Variants in LDLRAD4 observed in about 807,000 individuals in gnomAD.
LDLRAD4 encodes the protein low density lipoprotein receptor class A domain containing 4.
A neutral mutation model predicts 17.0 loss-of-function variants in LDLRAD4; 5 were observed. That is an observed-to-expected ratio of 0.29 (90% CI 0.15 to 0.62). LDLRAD4 has a LOEUF of 0.62. LDLRAD4 is among the 20% of genes least tolerant of loss of function. LDLRAD4 has a pLI of 0.84. For synonymous variants in LDLRAD4, 168 were observed against 171.8 expected (o/e 0.98, Z 0.17); for missense variants, 340 against 424.7 (o/e 0.80, Z 1.75).
chr18:13,634,002 AT>A (rs1000737607), intron 4 of LDLRAD4, among the ~76,000 whole-genome samples: 23 of 152,364 alleles, frequency 1.5e-4, no homozygotes, highest in African/African-American at 5.5e-4. Flanking sequence ...GTTTGATGAA[AT>A]TCAACATACT....
chr18:13,360,797 T>A (rs1035261618), intron 1 of LDLRAD4, among the ~76,000 whole-genome samples: 3 of 152,240 alleles, frequency 2.0e-5, no homozygotes, highest in Non-Finnish European at 4.4e-5. Context: ...AGGCATGGTA[T>A]GTACCACTTT....
chr18:13,634,773 C>CAAAA (rs202132523), intron 4 of LDLRAD4, among the ~76,000 whole-genome samples: 3 of 122,118 alleles, frequency 2.5e-5, no homozygotes, highest in Non-Finnish European at 3.5e-5. Context: ...ACAATAATCT[C>CAAAA]AAAAAAAAAA....
chr18:13,374,270 C>G (rs2084734104), intron 1 of LDLRAD4, among the ~76,000 whole-genome samples: 2 of 152,136 alleles, frequency 1.3e-5, no homozygotes, highest in Admixed American at 1.3e-4. Context: ...CCCTCTCAGC[C>G]CTGACCCCAC....
chr18:13,377,813 G>A (rs911708772), intron 1 of LDLRAD4, among the ~76,000 whole-genome samples: 2 of 152,170 alleles, frequency 1.3e-5, no homozygotes, highest in South Asian at 4.1e-4. Flanking sequence ...AGCCTCGCAG[G>A]CCCATCCCAG....
chr18:13,579,320 GTTA>G (rs1280972383), intron 3 of LDLRAD4, among the ~76,000 whole-genome samples: 1 of 152,210 alleles, frequency 6.6e-6, no homozygotes. Context: ...TTTATATGTA[GTTA>G]TTATCAAATA....
intron 1 of LDLRAD4, among the ~76,000 whole-genome samples, chr18:13,339,714 T>A (rs1041802024): frequency 6.6e-6 from 1 of 152,146 alleles, no homozygotes; most frequent in East Asian, 1.9e-4. Flanking sequence ...TAAAAGGAGA[T>A]AAGAATTGAT....
At chr18:13,314,173 G>T (rs2080809544) in intron 1 of LDLRAD4, among the ~76,000 whole-genome samples, 1 of 152,144 alleles carries the variant, frequency 6.6e-6, no homozygotes, top group African/African-American at 2.4e-5. Flanking sequence ...AGATAACTTA[G>T]TACGATTTAT....
intron 1 of LDLRAD4, among the ~76,000 whole-genome samples, chr18:13,344,088 T>G (rs1448385769): frequency 6.6e-6 from 1 of 152,216 alleles, no homozygotes; most frequent in African/African-American, 2.4e-5. Context: ...TTAGTTTAAT[T>G]AGATCCCATT....
chr18:13,388,677 T>C (rs1281965987), intron 2 of LDLRAD4, among the ~76,000 whole-genome samples: 1 of 152,242 alleles, frequency 6.6e-6, no homozygotes, highest in African/African-American at 2.4e-5. Context: ...TTGATTGGCA[T>C]GGGCCTTCTC....
chr18:13,439,592 CTG>C (rs1411462096), intron 3 of LDLRAD4, among the ~76,000 whole-genome samples: 6 of 152,242 alleles, frequency 3.9e-5, no homozygotes, highest in African/African-American at 1.4e-4. Flanking sequence ...GCGGTAGTCT[CTG>C]TGTAATACAG....
intron 2 of LDLRAD4, chr18:13,426,262 C>G (rs1448630327): frequency 6.6e-6 from 1 of 152,218 alleles, no homozygotes; most frequent in Non-Finnish European, 1.5e-5. Flanking sequence ...GAAATATTCT[C>G]TTTTTGGTTA....
In LDLRAD4 at chr18:13,297,192, T is replaced by C. The variant is rs564619212; in HGVS notation, c.-383+19004T>C. Among the ~76,000 whole-genome samples the C allele has an allele frequency of 3.3e-5, 5 of 152,300 alleles. No individual in the cohort carries two copies. The East Asian group carries it at 9.7e-4, about 29-fold the overall frequency. ...AAGAGAAGGCCTCTGTCCCCGAGGA[T>C]GTTCGCTGAGCAGGGATCAGAGCTA... On this transcript the variant is annotated intron_variant, in intron 1 of 5. Coordinates refer to ENST00000359446, the Ensembl canonical transcript of LDLRAD4.
At chr18:13,457,095 C>T (rs2092176103) in intron 3 of LDLRAD4, among the ~76,000 whole-genome samples, 1 of 152,270 alleles carries the variant, frequency 6.6e-6, no homozygotes, top group Admixed American at 6.5e-5. Context: ...GTCAGCTCCA[C>T]AGGCCGGGGG....
chr18:13,547,035 T>C (rs2094375569), intron 3 of LDLRAD4, among the ~76,000 whole-genome samples: 1 of 152,202 alleles, frequency 6.6e-6, no homozygotes, highest in South Asian at 2.1e-4. Flanking sequence ...ATCTTGAAAT[T>C]TATTGATGCT....
chr18:13,551,630 T>C (rs1426026551), intron 3 of LDLRAD4, among the ~76,000 whole-genome samples: 2 of 150,900 alleles, frequency 1.3e-5, no homozygotes, highest in Non-Finnish European at 3.0e-5. Flanking sequence ...CATGGTGGGG[T>C]AGGAGGGCGG....
chr18:13,561,879 C>A (rs745951279), intron 3 of LDLRAD4: 1 of 152,190 alleles, frequency 6.6e-6, no homozygotes, highest in Non-Finnish European at 1.5e-5. Flanking sequence ...TTATAAATAA[C>A]CACTGTTTTC....
At chr18:13,534,986 A>G (rs564682253) in intron 3 of LDLRAD4, among the ~76,000 whole-genome samples, 69 of 152,176 alleles carry the variant, frequency 4.5e-4, no homozygotes, top group Non-Finnish European at 7.8e-4. Context: ...AGACTCATCC[A>G]TATAATGGTG....
intron 1 of LDLRAD4, among the ~76,000 whole-genome samples, chr18:13,329,872 T>C (rs2081749677): frequency 6.6e-6 from 1 of 152,158 alleles, no homozygotes; most frequent in Non-Finnish European, 1.5e-5. Context: ...TGACTTCTTG[T>C]TATTTTAACC....
At chr18:13,537,864 G>A (rs1176736238) in intron 3 of LDLRAD4, among the ~76,000 whole-genome samples, 1 of 152,018 alleles carries the variant, frequency 6.6e-6, no homozygotes, top group East Asian at 1.9e-4. Flanking sequence ...TAACTGATAC[G>A]GGGCTCTTCA....
Sources: allele counts gnomAD v4.1 joint callset (sites outside exome capture counted in the v4.1 genomes callset), GRCh38; gene constraint gnomAD v4.1.1; transcripts MANE v1.5; gene names NCBI Gene and HGNC (gene_info 2026-07-23, HGNC 2026-07-21).